Variants in NCAM2 observed in about 807,000 individuals in gnomAD.
NCAM2 encodes N-CAM-2.
In NCAM2, 30 loss-of-function variants were observed where a neutral mutation model predicts 98.1. The observed-to-expected ratio is 0.31, with a 90% CI of 0.23 to 0.41. The LOEUF is 0.41. NCAM2 is among the 10% of genes least tolerant of loss of function. NCAM2 has a pLI of 1.00. For synonymous variants in NCAM2, 368 were observed against 342.4 expected (o/e 1.07, Z -0.83); for missense variants, 867 against 1,005.8 (o/e 0.86, Z 1.87).
At chr21:21,431,046 C>CAAAAAAA (rs34613152) in intron 11 of NCAM2, among the ~76,000 whole-genome samples, 1 of 64,060 alleles carries the variant, frequency 1.6e-5, no homozygotes, top group African/African-American at 6.7e-5. Context: ...AACTCCGTCT[C>CAAAAAAA]AAAAAAAAAA....
chr21:21,050,078 A>G (rs536395657), intron 1 of NCAM2, among the ~76,000 whole-genome samples: 75 of 152,196 alleles, frequency 4.9e-4, no homozygotes, highest in African/African-American at 1.3e-3. Flanking sequence ...CAAGTTGACT[A>G]ACTAGACTTT....
At chr21:21,345,013 G>A (rs879001202) in intron 8 of NCAM2, among the ~76,000 whole-genome samples, 1 of 152,112 alleles carries the variant, frequency 6.6e-6, no homozygotes, top group Admixed American at 6.5e-5. Context: ...CCCCGAACTT[G>A]TCCAAGACTA....
intron 1 of NCAM2, among the ~76,000 whole-genome samples, chr21:21,011,839 T>C (rs540971890): frequency 1.3e-5 from 2 of 152,226 alleles, no homozygotes; most frequent in African/African-American, 2.4e-5. Flanking sequence ...TGAGTAGATA[T>C]CTTCTAGAAG....
At chr21:21,450,813 C>T (rs371626502) in intron 12 of NCAM2, among the ~76,000 whole-genome samples, 20,615 of 151,308 alleles carry the variant, frequency 0.14, 1,453 homozygotes, top group Non-Finnish European at 0.14. Flanking sequence ...CACACACACA[C>T]ACACACACAC....
At chr21:21,529,105 T>C (rs76413154) in intron 16 of NCAM2, among the ~76,000 whole-genome samples, 15,053 of 152,114 alleles carry the variant, frequency 0.099, 882 homozygotes, top group East Asian at 0.16. Flanking sequence ...TGAGGTCTTA[T>C]TGGATGTTCA....
At chr21:21,262,824 T>A (rs1162606014) in intron 1 of NCAM2, among the ~76,000 whole-genome samples, 1 of 152,114 alleles carries the variant, frequency 6.6e-6, no homozygotes, top group Non-Finnish European at 1.5e-5. Context: ...GGCCTCACAA[T>A]CATGGCAGAA....
chr21:21,228,063 G>A (rs904830506), intron 1 of NCAM2, among the ~76,000 whole-genome samples: 1 of 151,646 alleles, frequency 6.6e-6, no homozygotes, highest in East Asian at 1.9e-4. Context: ...CACTGATAAA[G>A]GGTTAGAAAG....
intron 1 of NCAM2, among the ~76,000 whole-genome samples, chr21:21,177,423 G>T (rs2068330974): frequency 1.3e-5 from 2 of 151,996 alleles, no homozygotes; most frequent in South Asian, 4.1e-4. Flanking sequence ...TGCTTCATTG[G>T]GTTTTTATAA....
intron 5 of NCAM2, among the ~76,000 whole-genome samples, chr21:21,302,818 C>G (rs1038041330): frequency 4.6e-5 from 7 of 152,096 alleles, no homozygotes; most frequent in African/African-American, 1.7e-4. Flanking sequence ...CATCACTGCA[C>G]TATTCACAAT....
intron 16 of NCAM2, among the ~76,000 whole-genome samples, chr21:21,523,591 T>C (rs1989154164): frequency 6.6e-6 from 1 of 152,040 alleles, no homozygotes; most frequent in Admixed American, 6.6e-5. Context: ...TATTATATTA[T>C]GTGTATATAC....
At position 21,242,327 on chromosome 21, in the gene NCAM2, A is replaced by AT. The variant is rs1300810741; in HGVS notation, c.56-38244dup. Among the ~76,000 whole-genome samples, 5 of 152,148 alleles carry AT rather than the reference A, an allele frequency of 3.3e-5. 1 individual carries two copies. Among genetic ancestry groups the AT allele is most frequent in the Non-Finnish European group, 7.4e-5 (5 of 68,006 alleles). On this transcript the variant is annotated intron_variant, in intron 1 of 17. Coordinates refer to ENST00000400546, the MANE Select transcript of NCAM2 (RefSeq NM_004540.5). ...AGCAAGTCCATCACTTAACATACTT[A>AT]TTTTTTTGTAGTGAAAACATTTAAA...
intron 5 of NCAM2, among the ~76,000 whole-genome samples, chr21:21,319,648 A>G (rs2074321264): frequency 6.6e-6 from 1 of 152,214 alleles, no homozygotes; most frequent in African/African-American, 2.4e-5. Context: ...AAGAACAAAA[A>G]ATAAACAATA....
At chr21:21,042,900 A>T (rs976474931) in intron 1 of NCAM2, among the ~76,000 whole-genome samples, 2 of 152,242 alleles carry the variant, frequency 1.3e-5, no homozygotes, top group African/African-American at 4.8e-5. Context: ...TGAAAGCTTT[A>T]TAAAAGGCAA....
At chr21:21,270,069 G>A (rs1035188656) in intron 1 of NCAM2, among the ~76,000 whole-genome samples, 2 of 152,082 alleles carry the variant, frequency 1.3e-5, no homozygotes, top group African/African-American at 4.8e-5. Flanking sequence ...TAGGCACAGT[G>A]CAAACACTCC....
At chr21:21,057,009 C>T (rs1465608262) in intron 1 of NCAM2, among the ~76,000 whole-genome samples, 1 of 151,894 alleles carries the variant, frequency 6.6e-6, no homozygotes, top group Admixed American at 6.6e-5. Flanking sequence ...AAATCCTACT[C>T]GTCTTTAACA....
intron 1 of NCAM2, among the ~76,000 whole-genome samples, chr21:21,192,344 A>G (rs964766223): frequency 4.6e-5 from 7 of 152,216 alleles, no homozygotes; most frequent in Non-Finnish European, 1.5e-5. Flanking sequence ...CTCTAAAGCA[A>G]AGTGTAGAGG....
At chr21:21,012,962 G>C (rs1034622393) in intron 1 of NCAM2, among the ~76,000 whole-genome samples, 2 of 152,094 alleles carry the variant, frequency 1.3e-5, no homozygotes, top group Admixed American at 1.3e-4. Flanking sequence ...TAAGTGTCGT[G>C]TATACTCTGA....
At chr21:21,216,117 A>G (rs535068559) in intron 1 of NCAM2, among the ~76,000 whole-genome samples, 2 of 152,306 alleles carry the variant, frequency 1.3e-5, no homozygotes, top group African/African-American at 4.8e-5. Context: ...TAATTTGGGC[A>G]GAGATAGTCA....
intron 16 of NCAM2, among the ~76,000 whole-genome samples, chr21:21,529,417 T>G (rs1443539419): frequency 6.6e-6 from 1 of 152,138 alleles, no homozygotes; most frequent in African/African-American, 2.4e-5. Context: ...TGCATTTAAG[T>G]TAAAATTATT....
Sources: gnomAD v4.1 joint callset for allele counts (sites outside exome capture counted in the v4.1 genomes callset) on GRCh38, gnomAD v4.1.1 for gene constraint, MANE v1.5 for transcripts, NCBI Gene and HGNC (gene_info 2026-07-23, HGNC 2026-07-21) for gene names.